Variants in ODAD2 observed in about 807,000 individuals in gnomAD.
ODAD2 encodes outer dynein arm docking complex subunit 2.
In ODAD2, 89 loss-of-function variants were observed where a neutral mutation model predicts 106.8. The observed-to-expected ratio is 0.83, with a 90% CI of 0.70 to 0.99. ODAD2 has a LOEUF of 0.99. Ranked by LOEUF, ODAD2 falls within the 50% of genes least tolerant of loss-of-function variation. ODAD2 has a pLI of 0.00. For missense variants in ODAD2, 1,168 were observed against 1,238.5 expected (o/e 0.94, Z 0.85); for synonymous variants, 404 against 436.2 (o/e 0.93, Z 0.92).
In ODAD2 at chr10:27,896,614, C is replaced by T. The variant is rs142341588; in HGVS notation, c.2610+11049G>A. Among the ~76,000 whole-genome samples the T allele has an allele frequency of 5.5e-3, 839 of 152,276 alleles. 6 individuals are homozygous for T. The highest frequency in any genetic ancestry group is 0.019 in the African/African-American group (795 of 41,568). On this transcript the variant is annotated intron_variant, in intron 17 of 19. Transcript: ENST00000305242. Reference sequence around the variant, plus strand: ...CCCTCAGGAATTAGGCATTCTAGAACCATCCTTTTGCTTGGTGCTCTAGAA... The same window carrying T: ...CCCTCAGGAATTAGGCATTCTAGAATCATCCTTTTGCTTGGTGCTCTAGAA...
intron 16 of ODAD2, among the ~76,000 whole-genome samples, chr10:27,925,761 C>T (rs553906145): frequency 3.3e-5 from 5 of 152,234 alleles, no homozygotes; most frequent in African/African-American, 9.6e-5. Context: ...ACACTAGAGG[C>T]ATCCCCACTA....
chr10:27,984,288 T>C lies in ODAD2; in HGVS notation c.578A>G (p.Glu193Gly). Residue 193 changes from glutamate (E) to glycine (G), a missense_variant and splice_region_variant, in exon 5 of 20, where the codon GAA (glutamate) becomes GGA (glycine). Physicochemically the swap from Glu to Gly is moderately conservative, Grantham distance 98 (BLOSUM62 -2). Around this residue, in one of 3 missense-constraint regions of ODAD2, gnomAD observed 430 missense variants for 452.2 expected, o/e 0.95. Transcript: ENST00000305242. The stretch of plus-strand genomic sequence containing the variant: ...CACCGTCATGGGACTTAAACTTATT[T>C]CTCTGAAATAAATGTTTAAAATGTC... Reference protein sequence around the residue: ...LNHSLKHISLEISLSPMTVKK... With the variant: ...LNHSLKHISLGISLSPMTVKK... 6.2e-7 allele frequency: 1 copy of C among 1,601,126 alleles called. No homozygotes were observed. Among genetic ancestry groups the C allele is most frequent in the East Asian group, 2.2e-5 (1 of 44,766 alleles).
At chr10:27,997,119 A>G (rs1191742705) in intron 1 of ODAD2, among the ~76,000 whole-genome samples, 1 of 152,242 alleles carries the variant, frequency 6.6e-6, no homozygotes, top group Non-Finnish European at 1.5e-5. Flanking sequence ...CAAAGTGGTC[A>G]TGAAATAAAG....
At chr10:27,993,974 ATGTGTGTG>A (rs56017872) in intron 2 of ODAD2, among the ~76,000 whole-genome samples, 168 of 140,614 alleles carry the variant, frequency 1.2e-3, no homozygotes, top group Admixed American at 3.6e-3. Context: ...ATATATATAT[ATGTGTGTG>A]TGTGTGTGTG....
chr10:27,885,600 A>G (rs1408533287), intron 17 of ODAD2, among the ~76,000 whole-genome samples: 1 of 82,384 alleles, frequency 1.2e-5, no homozygotes, highest in Non-Finnish European at 2.2e-5. Flanking sequence ...ATAAATATAT[A>G]TATAAAATAT....
At chr10:27,824,475 G>A (rs1836882548) in intron 19 of ODAD2, among the ~76,000 whole-genome samples, 1 of 152,172 alleles carries the variant, frequency 6.6e-6, no homozygotes, top group Non-Finnish European at 1.5e-5. Flanking sequence ...GCCATGGAAT[G>A]ACCCTTGACA....
intron 19 of ODAD2, among the ~76,000 whole-genome samples, chr10:27,837,223 T>C (rs1837965954): frequency 6.6e-6 from 1 of 152,220 alleles, no homozygotes; most frequent in Non-Finnish European, 1.5e-5. Context: ...CATGGTCCCG[T>C]ACTGGTCACT....
chr10:27,969,359 G>A (rs191154481), intron 8 of ODAD2, among the ~76,000 whole-genome samples: 5 of 152,160 alleles, frequency 3.3e-5, no homozygotes, highest in Admixed American at 6.5e-5. Context: ...CCCACCCAAC[G>A]TTGCAACAGG....
intron 16 of ODAD2, among the ~76,000 whole-genome samples, chr10:27,930,626 CAAAA>C (rs60344337): frequency 2.2e-5 from 2 of 92,140 alleles, no homozygotes. Flanking sequence ...GACTCTGTCT[CAAAA>C]AAAAAAAAAA....
chr10:27,974,971 T>C (rs1564567720), intron 7 of ODAD2, among the ~76,000 whole-genome samples: 1 of 152,208 alleles, frequency 6.6e-6, no homozygotes, highest in Non-Finnish European at 1.5e-5. Context: ...ATTAGCTCTA[T>C]TCCTAGGTAT....
At chr10:27,886,818 A>T (rs1842251611) in intron 17 of ODAD2, among the ~76,000 whole-genome samples, 2 of 152,046 alleles carry the variant, frequency 1.3e-5, no homozygotes, top group African/African-American at 4.8e-5. Flanking sequence ...AGAGATTGTT[A>T]TAACTTTAGA....
intron 7 of ODAD2, among the ~76,000 whole-genome samples, chr10:27,977,781 C>T (rs1042249968): frequency 2.6e-5 from 4 of 151,964 alleles, no homozygotes; most frequent in Non-Finnish European, 5.9e-5. Context: ...GGCCAATAAG[C>T]ACATGAAAAG....
intron 2 of ODAD2, 72 bp from the exon 3 acceptor site, chr10:27,987,615 T>G (rs531987159): frequency 7.7e-6 from 8 of 1,035,980 alleles, no homozygotes; most frequent in African/African-American, 4.9e-5. Context: ...TTTAAGACAT[T>G]TAGACAGATT....
At chr10:27,813,777 T>C (rs1835919921) in intron 19 of ODAD2, among the ~76,000 whole-genome samples, 1 of 152,134 alleles carries the variant, frequency 6.6e-6, no homozygotes, top group African/African-American at 2.4e-5. Context: ...TATTTGTATT[T>C]TAGAAAGGTA....
chr10:27,936,965 C>T (rs1846026934), intron 14 of ODAD2, 85 bp from the exon 15 acceptor site: 3 of 1,407,548 alleles, frequency 2.1e-6, no homozygotes, highest in East Asian at 4.7e-5. Context: ...ATTCTAGTAG[C>T]TAGGAAACTT....
At chr10:27,830,507 G>A (rs1221976483) in intron 19 of ODAD2, among the ~76,000 whole-genome samples, 1 of 152,204 alleles carries the variant, frequency 6.6e-6, no homozygotes, top group Non-Finnish European at 1.5e-5. Context: ...ACAAATTTTA[G>A]AGAAGAGAGT....
intron 9 of ODAD2, among the ~76,000 whole-genome samples, chr10:27,966,681 A>G (rs1250003954): frequency 1.3e-5 from 2 of 152,360 alleles, no homozygotes; most frequent in East Asian, 3.9e-4. Flanking sequence ...GATGTGACAC[A>G]GAGAACCTTT....
intron 17 of ODAD2, among the ~76,000 whole-genome samples, chr10:27,878,726 T>G (rs1164573623): frequency 6.6e-6 from 1 of 152,178 alleles, no homozygotes; most frequent in East Asian, 1.9e-4. Flanking sequence ...GTCAAAAGTA[T>G]ACTTAATGAA....
At position 27,862,482 on chromosome 10, in the gene ODAD2, A is replaced by G; in HGVS notation, c.2751T>C (p.Val917=). The change falls in exon 18 of 20, where the codon GTT becomes GTC. Residue 917 remains valine (V), a synonymous_variant. Coordinates refer to ENST00000305242, the MANE Select transcript of ODAD2 (RefSeq NM_018076.5). The stretch of plus-strand genomic sequence containing the variant: ...AAGGAACAACTCCATGATCTGTGAT[A>G]ACAGCTAAATTTTCTTGATCTTTTG... ...NIAKDQENLA[V]ITDHGVVPLL... The G allele has an allele frequency of 6.2e-7, 1 of 1,612,566 alleles. No individual in the cohort carries two copies. The highest frequency in any genetic ancestry group is 8.5e-7 in the Non-Finnish European group (1 of 1,179,412).
Sources: gnomAD v4.1 joint callset for allele counts (sites outside exome capture counted in the v4.1 genomes callset) on GRCh38, gnomAD v4.1.1 for gene constraint, gnomAD v4.1.1 regional missense constraint, MANE v1.5 for transcripts, NCBI Gene and HGNC (gene_info 2026-07-23, HGNC 2026-07-21) for gene names.